IFT140: variants seen among roughly 807,000 people sequenced by gnomAD.
The protein encoded by IFT140 is intraflagellar transport protein 140 homolog.
In IFT140, 133 loss-of-function variants were observed where a neutral mutation model predicts 164.6. The ratio of observed to expected loss-of-function variants is 0.81; its 90% CI spans 0.70 to 0.93. IFT140 has a LOEUF of 0.93. Among genes scored for constraint, IFT140 ranks in the 40% least tolerant of loss-of-function variants. The probability of loss-of-function intolerance (pLI) is 0.00; values close to 1 mark genes in which losing one functional copy is unlikely to be tolerated. For synonymous variants in IFT140, 860 were observed against 817.3 expected (o/e 1.05, Z -0.89); for missense variants, 2,045 against 1,972.3 (o/e 1.04, Z -0.70).
chr16:1,549,933 C>G, intron 19 of IFT140, among the ~76,000 whole-genome samples: 1 of 152,302 alleles, frequency 6.6e-6, no homozygotes, highest in East Asian at 1.9e-4. Context: ...TGAACTCATA[C>G]TTCTTTAATC....
At chr16:1,517,541 G>T (rs905602586) in intron 30 of IFT140, among the ~76,000 whole-genome samples, 1 of 152,154 alleles carries the variant, frequency 6.6e-6, no homozygotes, top group Non-Finnish European at 1.5e-5. Flanking sequence ...GCTACAGTTC[G>T]AAAGAATGAT....
At chr16:1,526,131 AAC>A (rs1258273668) in intron 20 of IFT140, 54 bp from the exon 21 acceptor site, 12 of 1,492,586 alleles carry the variant, frequency 8.0e-6, no homozygotes, top group African/African-American at 1.4e-5. Context: ...CCACGTCTCA[AAC>A]ACACTGTTCC....
rs1463801449 is a variant in IFT140 at position 1,568,280 on chromosome 16, C to T, written c.1707G>A (p.Val569=). 2 of 1,613,484 alleles carry T rather than the reference C, an allele frequency of 1.2e-6. No homozygotes were observed. The highest frequency in any genetic ancestry group is 2.7e-5 in the African/African-American group (2 of 74,926). The change falls in exon 15 of 31, where the codon GTG becomes GTA. Residue 569 remains valine, a synonymous_variant. Transcript: ENST00000426508. The part of the protein sequence containing the change: ...CRSLAELVPG[V]GGIASLRCSS... ...TGCACCGCAGAGAAGCGATGCCCCCCACCCCAGGGACCAGCTCCGCCAGGC... is the reference window on the plus strand; with the variant it reads ...TGCACCGCAGAGAAGCGATGCCCCCTACCCCAGGGACCAGCTCCGCCAGGC...
At chr16:1,581,761 GT>G (rs1567398988) in intron 12 of IFT140, among the ~76,000 whole-genome samples, 4 of 90,606 alleles carry the variant, frequency 4.4e-5, no homozygotes, top group African/African-American at 4.8e-5. Flanking sequence ...GGAGCGGGGG[GT>G]GGGGAGGGGA....
chr16:1,549,687 C>T (rs1196889890), intron 19 of IFT140, among the ~76,000 whole-genome samples: 2 of 152,192 alleles, frequency 1.3e-5, no homozygotes, highest in Admixed American at 1.3e-4. Flanking sequence ...CTGCCTCGGC[C>T]TCCCAAAGTG....
chr16:1,511,038 G>A lies in IFT140; in HGVS notation c.4295C>T (p.Pro1432Leu). 1 of 1,606,320 alleles carries A rather than the reference G, an allele frequency of 6.2e-7. No homozygotes were observed. Among genetic ancestry groups the A allele is most frequent in the Non-Finnish European group, 8.5e-7 (1 of 1,176,262 alleles). ...AVHRGLGLPL[P>L]RTVPEQVRHN... ...GCGGACCTGCTCGGGGACGGTGCGT[G>A]GCAGTGGGAGACCCAGCCCCCGGTG... Residue 1432 changes from proline to leucine, a missense_variant, in exon 31 of 31, where the codon CCA (proline) becomes CTA (leucine). By Grantham distance (98) the Pro-to-Leu change is moderately conservative. Coordinates refer to ENST00000426508, the MANE Select transcript of IFT140 (RefSeq NM_014714.4).
chr16:1,580,763 C>G lies in IFT140; in HGVS notation c.1520G>C (p.Trp507Ser). Residue 507 changes from tryptophan (W) to serine (S), a missense_variant, in exon 13 of 31, where the codon TGG becomes TCG. Physicochemically the swap from Trp to Ser is radical, Grantham distance 177. Transcript: ENST00000426508. The stretch of plus-strand genomic sequence containing the variant: ...TGCAGTGGAGCAGCAACTTACCTGC[C>G]AGGTTCGAACTTGAACTCGGTTTGA... ...VESNRVQVRT[W>S]QGTVKQLLLF... 6.2e-7 allele frequency: 1 copy of G among 1,612,142 alleles called. No individual in the cohort carries two copies. The highest frequency in any genetic ancestry group is 8.5e-7 in the Non-Finnish European group (1 of 1,178,192).
intron 30 of IFT140, among the ~76,000 whole-genome samples, chr16:1,515,997 A>G (rs2040325116): frequency 1.3e-5 from 2 of 152,016 alleles, no homozygotes; most frequent in South Asian, 2.1e-4. Flanking sequence ...AAAATTAGCC[A>G]GGCGTGGTGG....
intron 13 of IFT140, among the ~76,000 whole-genome samples, chr16:1,576,128 A>G (rs1218403021): frequency 6.6e-6 from 1 of 151,962 alleles, no homozygotes; most frequent in African/African-American, 2.4e-5. Context: ...TCTACTAAAA[A>G]TACAAAAACT....
At position 1,580,461 on chromosome 16, in the gene IFT140, C is replaced by T. The variant is rs2034497635; in HGVS notation, c.1524+298G>A. 9.9e-5 allele frequency: 27 copies of T among 273,412 alleles called. No individual in the cohort carries two copies. The South Asian group carries it at 1.0e-3, about 10-fold the overall frequency. The allele number at this position is 273,412 out of a possible 1,614,324, so 16.9% of individuals were successfully genotyped here. ...TGGCTGTTTAGAGTGTGGCCCCTCC[C>T]GCTTCGCTCTCTCTTCCTCCTGCTC... On this transcript the variant is annotated intron_variant, in intron 13 of 30. Coordinates refer to ENST00000426508, the MANE Select transcript of IFT140 (RefSeq NM_014714.4).
chr16:1,538,178 G>C (rs1471231223), intron 19 of IFT140, among the ~76,000 whole-genome samples: 1 of 152,202 alleles, frequency 6.6e-6, no homozygotes, highest in Admixed American at 6.5e-5. Flanking sequence ...TCCTGGCAGG[G>C]CGGTGGGTCT....
intron 13 of IFT140, among the ~76,000 whole-genome samples, chr16:1,574,203 G>T (rs1287166279): frequency 1.3e-5 from 2 of 152,166 alleles, no homozygotes; most frequent in East Asian, 3.9e-4. Flanking sequence ...GTAAAATGGA[G>T]CCCAGGCCCA....
intron 12 of IFT140, among the ~76,000 whole-genome samples, chr16:1,581,593 G>GT (rs1303356644): frequency 6.9e-6 from 1 of 145,606 alleles, no homozygotes; most frequent in African/African-American, 2.6e-5. Context: ...CAGCAAGACT[G>GT]TCTCAGAAAG....
rs893480447 is a variant in IFT140, at chr16:1,564,906, C to T, written c.1902-744G>A. On this transcript the variant is annotated intron_variant, in intron 16 of 30. Transcript: ENST00000426508. This position sits in a 1 kb window ranked among gnomAD's most constrained non-coding sequence, Gnocchi z 5.5. ...AGCAATGGAGGTGCCCTCACAGCCA[C>T]GTTCGGCACCAGTGCAGAGCAGAGC... 7.9e-5 allele frequency among the ~76,000 whole-genome samples: 12 copies of T among 152,200 alleles called. No individual in the cohort carries two copies. The highest frequency in any genetic ancestry group is 2.6e-4 in the Admixed American group (4 of 15,284).
rs1339301092 is a variant in IFT140, at chr16:1,568,319, G to C, written c.1668C>G (p.His556Gln). Residue 556 changes from histidine to glutamine, a missense_variant, in exon 15 of 31, where the codon CAC (histidine) becomes CAG (glutamine). His to Gln is a conservative substitution (Grantham distance 24). Transcript: ENST00000426508. Reference protein sequence around the residue: ...FDLSRREAKAHCSCRSLAELV... With the variant: ...FDLSRREAKAQCSCRSLAELV... ...GCTCCGCCAGGCTCCTGCAGCTACA[G>C]TGTGCTTTGGCCTCTCTGCAGGGAG... is the stretch of plus-strand genomic sequence containing the variant. 1.2e-6 allele frequency: 2 copies of C among 1,613,738 alleles called. No homozygotes were observed. The highest frequency in any genetic ancestry group is 2.2e-5 in the East Asian group (1 of 44,878).
chr16:1,520,531 A>G (rs915775998), intron 27 of IFT140, 71 bp downstream of exon 27: 6 of 1,459,334 alleles, frequency 4.1e-6, no homozygotes, highest in Non-Finnish European at 3.7e-6. Context: ...AGGCAAATGG[A>G]GATGCGTGCA....
At chr16:1,537,532 T>C (rs568084507) in intron 19 of IFT140, among the ~76,000 whole-genome samples, 64 of 152,346 alleles carry the variant, frequency 4.2e-4, no homozygotes, top group African/African-American at 1.5e-3. Context: ...CCCGTGCCCC[T>C]GCCAGGGGTG....
At chr16:1,559,657 A>T (rs1452343444) in intron 18 of IFT140, among the ~76,000 whole-genome samples, 1 of 152,218 alleles carries the variant, frequency 6.6e-6, no homozygotes, top group African/African-American at 2.4e-5. Flanking sequence ...CACATGTCCC[A>T]GCCATGACCA....
intron 3 of IFT140, among the ~76,000 whole-genome samples, chr16:1,603,269 G>A (rs1353517200): frequency 6.6e-6 from 1 of 152,126 alleles, no homozygotes; most frequent in East Asian, 1.9e-4. Flanking sequence ...CGAGCCAGCA[G>A]GTGAGGTTTG....
Sources: gnomAD v4.1 joint callset for allele counts (sites outside exome capture counted in the v4.1 genomes callset) on GRCh38, gnomAD v4.1.1 for gene constraint, Gnocchi (gnomAD v3.1) non-coding constraint, MANE v1.5 for transcripts, NCBI Gene and HGNC (gene_info 2026-07-23, HGNC 2026-07-21) for gene names.